The following ODAD2 variants were observed in gnomAD, a reference collection of about 807,000 sequenced individuals.
ODAD2 encodes outer dynein arm-docking complex subunit 2.
In ODAD2, 89 loss-of-function variants were observed where a neutral mutation model predicts 106.8. The observed-to-expected ratio is 0.83, with a 90% CI of 0.70 to 0.99. The LOEUF (loss-of-function observed/expected upper bound fraction) is 0.99. Among genes scored for constraint, ODAD2 ranks in the 50% least tolerant of loss-of-function variants. The pLI, the probability that ODAD2 is intolerant of heterozygous loss-of-function variation, is 0.00. For missense variants in ODAD2, 1,168 were observed against 1,238.5 expected, an observed-to-expected ratio of 0.94 and a Z score of 0.85; for synonymous variants, 404 against 436.2, an observed-to-expected ratio of 0.93 and a Z score of 0.92.
intron 16 of ODAD2, among the ~76,000 whole-genome samples, chr10:27,923,795 T>A (rs1364095929): frequency 6.6e-6 from 1 of 151,458 alleles, no homozygotes; most frequent in Admixed American, 6.6e-5. Flanking sequence ...AAAAAATTTT[T>A]GAAATTAGCT....
intron 16 of ODAD2, among the ~76,000 whole-genome samples, chr10:27,913,598 T>C (rs564892057): frequency 6.6e-6 from 1 of 152,164 alleles, no homozygotes; most frequent in Admixed American, 6.6e-5. Flanking sequence ...CTGACAAAAG[T>C]CTAATATCCA....
At chr10:27,909,339 T>C (rs80319121) in intron 16 of ODAD2, among the ~76,000 whole-genome samples, 1,573 of 152,324 alleles carry the variant, frequency 0.01, 20 homozygotes, top group African/African-American at 0.036. Flanking sequence ...CATTCAATCC[T>C]GGACAAAATT....
At chr10:27,993,395 A>G (rs1349565024) in intron 2 of ODAD2, among the ~76,000 whole-genome samples, 1 of 152,054 alleles carries the variant, frequency 6.6e-6, no homozygotes, top group East Asian at 1.9e-4. Context: ...CACACCTGTA[A>G]TTCTAACACT....
rs778996559 is a variant in ODAD2 at position 27,985,043 on chromosome 10, T to C, written c.551A>G (p.Asn184Ser). The change falls in exon 4 of 20, where the codon AAT (asparagine) becomes AGT (serine). Residue 184 changes from asparagine (N) to serine (S), a missense_variant. By Grantham distance (46) the Asn-to-Ser change is conservative (BLOSUM62 1). Around this residue, in one of 3 missense-constraint regions of ODAD2, gnomAD observed 430 missense variants for 452.2 expected, o/e 0.95. Coordinates refer to ENST00000305242, the MANE Select transcript of ODAD2 (RefSeq NM_018076.5). Reference protein sequence around the residue: ...LLKQLDLHLLNHSLKHISLEI... With the variant: ...LLKQLDLHLLSHSLKHISLEI... ...CAATGAAATATGTTTTAGAGAATGA[T>C]TGAGGAGGTGCAGATCCAATTGCTT... 6 of 1,608,558 alleles carry C rather than the reference T, an allele frequency of 3.7e-6. No homozygotes were observed. The highest frequency in any genetic ancestry group is 5.1e-6 in the Non-Finnish European group (6 of 1,178,168).
intron 19 of ODAD2, among the ~76,000 whole-genome samples, chr10:27,831,584 C>T (rs149060296): frequency 3.3e-5 from 5 of 152,336 alleles, no homozygotes; most frequent in African/African-American, 1.2e-4. Flanking sequence ...CCCAAAGTTG[C>T]AGATCTTGGC....
chr10:27,965,738 C>G (rs933892956), intron 9 of ODAD2, among the ~76,000 whole-genome samples: 3 of 152,110 alleles, frequency 2.0e-5, no homozygotes, highest in Admixed American at 2.0e-4. Flanking sequence ...GTGAAATCAA[C>G]CAGGGCTGAA....
rs753548579 is a variant in ODAD2, at chr10:27,926,168, A to G, written c.2495+8842T>C. ...GCAGTTGTAGCACAAATGCAGCCAA[A>G]GGCAATATATAAATTAATGATGGTA... On this transcript the variant is annotated intron_variant, in intron 16 of 19. Transcript: ENST00000305242. Among the ~76,000 whole-genome samples the G allele has an allele frequency of 3.9e-5, 6 of 152,274 alleles. No homozygotes were observed. In the East Asian group the frequency reaches 1.2e-3, roughly 29 times the overall value.
At chr10:27,900,934 C>A (rs1843157565) in intron 17 of ODAD2, among the ~76,000 whole-genome samples, 1 of 152,048 alleles carries the variant, frequency 6.6e-6, no homozygotes, top group Non-Finnish European at 1.5e-5. Flanking sequence ...GCAAGACAGG[C>A]CAACATTCAA....
intron 19 of ODAD2, among the ~76,000 whole-genome samples, chr10:27,844,839 A>G (rs888751424): frequency 6.6e-6 from 1 of 152,022 alleles, no homozygotes; most frequent in Non-Finnish European, 1.5e-5. Context: ...GGGGAGGAAA[A>G]TTTATTTGGC....
At chr10:27,969,645 T>C (rs1480766550) in intron 8 of ODAD2, among the ~76,000 whole-genome samples, 1 of 152,232 alleles carries the variant, frequency 6.6e-6, no homozygotes. Context: ...GACTCCGTTC[T>C]TCAAACAGCT....
At chr10:27,918,832 A>G (rs1844573293) in intron 16 of ODAD2, among the ~76,000 whole-genome samples, 1 of 151,850 alleles carries the variant, frequency 6.6e-6, no homozygotes, top group Admixed American at 6.6e-5. Flanking sequence ...AAAGTTAGCA[A>G]GTTTGCCAGC....
At chr10:27,907,604 G>T in intron 17 of ODAD2, 59 bp downstream of exon 17, 2 of 1,167,604 alleles carry the variant, frequency 1.7e-6, no homozygotes, top group South Asian at 1.4e-5. Flanking sequence ...ACCTGTGGTG[G>T]CATTTTTCAG....
chr10:27,950,750 C>T (rs911875296), intron 10 of ODAD2, among the ~76,000 whole-genome samples: 1 of 152,068 alleles, frequency 6.6e-6, no homozygotes, highest in Non-Finnish European at 1.5e-5. Flanking sequence ...CCATGCCTGA[C>T]CCATATGCAT....
chr10:27,867,001 C>T (rs1015484431), intron 17 of ODAD2, among the ~76,000 whole-genome samples: 2 of 151,662 alleles, frequency 1.3e-5, no homozygotes, highest in African/African-American at 2.4e-5. Context: ...TCAAGAAAAC[C>T]GGGAGGAATT....
intron 10 of ODAD2, among the ~76,000 whole-genome samples, chr10:27,957,788 G>A (rs1475469747): frequency 6.6e-6 from 1 of 152,140 alleles, no homozygotes; most frequent in Non-Finnish European, 1.5e-5. Flanking sequence ...AGCTCTGGAC[G>A]AATAATAAGC....
chr10:27,973,060 A>T (rs1284468780), intron 7 of ODAD2, among the ~76,000 whole-genome samples: 1 of 152,208 alleles, frequency 6.6e-6, no homozygotes, highest in African/African-American at 2.4e-5. Context: ...ACATCTTAAT[A>T]CATTGGAATT....
intron 19 of ODAD2, among the ~76,000 whole-genome samples, chr10:27,846,088 A>G (rs1462077792): frequency 1.3e-5 from 2 of 152,228 alleles, no homozygotes; most frequent in Non-Finnish European, 2.9e-5. Context: ...AGACATCCAC[A>G]GAACTCTCCA....
chr10:27,892,068 TGAAA>T (rs146777204), intron 17 of ODAD2, among the ~76,000 whole-genome samples: 4,737 of 152,240 alleles, frequency 0.031, 166 homozygotes, highest in East Asian at 0.16. Context: ...TCGTTCAGCT[TGAAA>T]GAAACAGTTT....
At chr10:27,855,397 C>A (rs1245166446) in intron 19 of ODAD2, among the ~76,000 whole-genome samples, 1 of 152,212 alleles carries the variant, frequency 6.6e-6, no homozygotes, top group Non-Finnish European at 1.5e-5. Flanking sequence ...AGTATATATT[C>A]ATCGATACCA....
Sources: allele counts gnomAD v4.1 joint callset (sites outside exome capture counted in the v4.1 genomes callset), GRCh38; gene constraint gnomAD v4.1.1; regional missense constraint gnomAD v4.1.1; transcripts MANE v1.5; gene names NCBI Gene and HGNC (gene_info 2026-07-23, HGNC 2026-07-21).